The following TENM1 variants were observed in gnomAD, a reference collection of about 807,000 sequenced individuals.
TENM1 encodes teneurin transmembrane protein 1, also known as teneurin-1.
Under a neutral mutation model 174.8 loss-of-function variants are expected in TENM1, and 35 were observed. The observed-to-expected ratio is 0.20, with a 90% CI of 0.15 to 0.27. The LOEUF is 0.27. TENM1 is among the 10% of genes least tolerant of loss of function. TENM1 has a pLI of 1.00. For synonymous variants in TENM1, 781 were observed against 798.7 expected, an observed-to-expected ratio of 0.98 and a Z score of 0.37; for missense variants, 1,633 against 2,130.1, an observed-to-expected ratio of 0.77 and a Z score of 4.59.
the TENM1 span, among the ~76,000 whole-genome samples, chrX:125,055,564 C>G: frequency 9.0e-6 from 1 of 111,421 alleles, no homozygotes; most frequent in Non-Finnish European, 1.9e-5. Flanking sequence ...ATTCAATACA[C>G]TTTTTGAATG....
intron 23 of TENM1, among the ~76,000 whole-genome samples, chrX:124,429,207 C>A (rs5911840): frequency 0.082 from 9,098 of 111,622 alleles, 354 homozygotes; most frequent in Admixed American, 0.14. Context: ...TCCCCTTATC[C>A]CCTTTTGAAT....
chrX:124,934,825 G>C (rs1044232217), intron 1 of TENM1, among the ~76,000 whole-genome samples: 18 of 111,802 alleles, frequency 1.6e-4, no homozygotes, highest in African/African-American at 5.5e-4. Context: ...TAGGAATAAA[G>C]AGAATGTGAC....
At chrX:124,978,089 TC>T in the TENM1 span, among the ~76,000 whole-genome samples, 5 of 109,291 alleles carry the variant, frequency 4.6e-5, no homozygotes, top group Non-Finnish European at 9.5e-5. Flanking sequence ...CAGCTGATTG[TC>T]TCTTTTGCCA....
chrX:125,034,419 C>G, the TENM1 span, among the ~76,000 whole-genome samples: 2 of 111,244 alleles, frequency 1.8e-5, no homozygotes, highest in African/African-American at 6.5e-5. Flanking sequence ...AAGTTTGGGA[C>G]CTGTGCCTTT....
At chrX:125,190,920 A>G in the TENM1 span, among the ~76,000 whole-genome samples, 4 of 111,255 alleles carry the variant, frequency 3.6e-5, 1 homozygote, top group South Asian at 1.5e-3. Flanking sequence ...CATATTGGAT[A>G]CATATAATTT....
At chrX:125,195,637 TTAGAC>T in the TENM1 span, among the ~76,000 whole-genome samples, 9 of 111,578 alleles carry the variant, frequency 8.1e-5, no homozygotes, top group Admixed American at 7.7e-4. Context: ...TGCGATTTTA[TTAGAC>T]TAAACAGGAA....
chrX:125,058,817 C>T, the TENM1 span, among the ~76,000 whole-genome samples: 1 of 110,997 alleles, frequency 9.0e-6, no homozygotes, highest in Admixed American at 9.7e-5. Context: ...CCATTACAAA[C>T]TCTTCAATTG....
rs190906156 is a variant in TENM1, at chrX:124,757,893, T to G, written c.536-20696A>C. 6.8e-4 allele frequency among the ~76,000 whole-genome samples: 76 copies of G among 112,354 alleles called. 1 individual carries two copies. The highest frequency in any genetic ancestry group is 2.4e-3 in the African/African-American group (74 of 30,971). On this transcript the variant is annotated intron_variant, in intron 3 of 31. Coordinates refer to ENST00000422452, the Ensembl canonical transcript of TENM1. ...TCTCCATTTGAAAGAACTGAAAATG[T>G]AAGACAAACAAACAAAAGCATTCGA...
At chrX:124,570,461 T>G (rs1338823133) in intron 11 of TENM1, among the ~76,000 whole-genome samples, 1 of 111,232 alleles carries the variant, frequency 9.0e-6, no homozygotes, top group African/African-American at 3.3e-5. Context: ...AAACAAAAAT[T>G]AACATAGCAA....
At chrX:124,720,334 C>T (rs2053282516) in intron 4 of TENM1, among the ~76,000 whole-genome samples, 1 of 112,047 alleles carries the variant, frequency 8.9e-6, no homozygotes, top group Non-Finnish European at 1.9e-5. Flanking sequence ...CCTAAGTCTC[C>T]ACAACCCCTT....
chrX:124,754,555 T>C (rs2054175902), intron 3 of TENM1, among the ~76,000 whole-genome samples: 1 of 111,285 alleles, frequency 9.0e-6, no homozygotes, highest in East Asian at 2.8e-4. Flanking sequence ...GCTCTTGCTT[T>C]TCTAGTTCTT....
At chrX:124,588,291 C>G (rs1297324592) in intron 11 of TENM1, among the ~76,000 whole-genome samples, 2 of 111,169 alleles carry the variant, frequency 1.8e-5, no homozygotes, top group African/African-American at 6.6e-5. Flanking sequence ...GGAACCAACC[C>G]AAATGTCCAA....
At chrX:124,378,837 C>T (rs2060127784) in exon 32 of TENM1, 1 of 112,102 alleles carries the variant, frequency 8.9e-6, no homozygotes, top group South Asian at 3.8e-4. Flanking sequence ...CATCGCAAAG[C>T]AAGGCAATGA....
the TENM1 span, among the ~76,000 whole-genome samples, chrX:124,972,058 C>T: frequency 1.8e-5 from 2 of 109,115 alleles, no homozygotes; most frequent in African/African-American, 6.7e-5. Context: ...CATGGTGAAA[C>T]CCCGTCTCTA....
intron 22 of TENM1, among the ~76,000 whole-genome samples, chrX:124,462,845 C>G (rs1157983519): frequency 9.0e-6 from 1 of 111,620 alleles, no homozygotes; most frequent in Admixed American, 9.5e-5. Context: ...GCCAGGAGGC[C>G]AAGAACTGCA....
intron 3 of TENM1, among the ~76,000 whole-genome samples, chrX:124,799,821 A>G (rs2147231124): frequency 9.0e-6 from 1 of 111,498 alleles, no homozygotes; most frequent in South Asian, 3.8e-4. Context: ...AGGGATGTTG[A>G]ATTTTACCAA....
At chrX:124,983,390 A>G in the TENM1 span, among the ~76,000 whole-genome samples, 1 of 111,563 alleles carries the variant, frequency 9.0e-6, no homozygotes, top group Non-Finnish European at 1.9e-5. Context: ...GAGAATAAGT[A>G]GCTTACTTAA....
chrX:125,001,925 T>TCACACA, the TENM1 span, among the ~76,000 whole-genome samples: 54 of 67,255 alleles, frequency 8.0e-4, no homozygotes, highest in South Asian at 3.9e-3. Flanking sequence ...TCTAGAGAGA[T>TCACACA]CACACACACA....
intron 1 of TENM1, among the ~76,000 whole-genome samples, chrX:124,903,543 T>G (rs1295364826): frequency 8.9e-6 from 1 of 112,058 alleles, no homozygotes; most frequent in Non-Finnish European, 1.9e-5. Flanking sequence ...GAAAATTTGA[T>G]GTGGGAATAA....
Sources: gnomAD v4.1 joint callset for allele counts (sites outside exome capture counted in the v4.1 genomes callset) on GRCh38, gnomAD v4.1.1 for gene constraint, MANE v1.5 for transcripts, NCBI Gene and HGNC (gene_info 2026-07-23, HGNC 2026-07-21) for gene names.